The following LRMDA variants were observed in gnomAD, a reference collection of about 807,000 sequenced individuals.
The protein encoded by LRMDA is leucine-rich melanocyte differentiation-associated protein.
In LRMDA, 18 loss-of-function variants were observed where a neutral mutation model predicts 29.8. That is an observed-to-expected ratio of 0.60 (90% CI 0.42 to 0.90). LRMDA has a LOEUF of 0.90. Ranked by LOEUF, LRMDA falls within the 40% of genes least tolerant of loss-of-function variation. The pLI, the probability that LRMDA is intolerant of heterozygous loss-of-function variation, is 0.00. For synonymous variants in LRMDA, 125 were observed against 109.4 expected, an observed-to-expected ratio of 1.14 and a Z score of -0.89; for missense variants, 273 against 273.9, an observed-to-expected ratio of 1.00 and a Z score of 0.02.
At chr10:76,011,132 G>A (rs1350656855) in intron 2 of LRMDA, among the ~76,000 whole-genome samples, 10 of 152,124 alleles carry the variant, frequency 6.6e-5, no homozygotes, top group Admixed American at 6.5e-4. Flanking sequence ...TTTTTAGGAG[G>A]ATGGGGTAGA....
chr10:75,474,674 G>T (rs914241446), intron 2 of LRMDA, among the ~76,000 whole-genome samples: 1 of 152,162 alleles, frequency 6.6e-6, no homozygotes, highest in African/African-American at 2.4e-5. Flanking sequence ...TTTATATCTG[G>T]GAGGGTAGTC....
At chr10:75,858,496 A>G (rs1229260378) in intron 2 of LRMDA, among the ~76,000 whole-genome samples, 1 of 152,138 alleles carries the variant, frequency 6.6e-6, no homozygotes, top group Non-Finnish European at 1.5e-5. Flanking sequence ...TTCACATAGC[A>G]CTTAATGTGT....
chr10:76,261,058 T>C (rs1056642959), intron 5 of LRMDA, among the ~76,000 whole-genome samples: 135 of 123,260 alleles, frequency 1.1e-3, no homozygotes, highest in African/African-American at 4.1e-3. Context: ...GCGTTTCTTT[T>C]CTTTTCTTTT....
At chr10:76,010,718 G>A (rs2132479516) in intron 2 of LRMDA, among the ~76,000 whole-genome samples, 1 of 152,304 alleles carries the variant, frequency 6.6e-6, no homozygotes, top group African/African-American at 2.4e-5. Context: ...TCAGGAAGGA[G>A]CCAAGGAAAG....
rs367804310 is a variant in LRMDA, at chr10:76,495,722, A to G, written c.602-61487A>G. Among the ~76,000 whole-genome samples, 182 of 152,048 alleles carry G rather than the reference A, an allele frequency of 1.2e-3. No homozygotes were observed. The South Asian group carries it at 0.012, about 10-fold the overall frequency. ...TGTAATTTTTTTATACAAATTGTATATATACTTTATTAGATTTATACCTAA... is the reference window on the plus strand; with the variant it reads ...TGTAATTTTTTTATACAAATTGTATGTATACTTTATTAGATTTATACCTAA... On this transcript the variant is annotated intron_variant, in intron 6 of 6. Coordinates refer to ENST00000611255, the MANE Select transcript of LRMDA (RefSeq NM_001305581.2).
At chr10:76,290,411 C>CTTTTTTTTTT (rs11321369) in intron 5 of LRMDA, among the ~76,000 whole-genome samples, 2 of 76,730 alleles carry the variant, frequency 2.6e-5, no homozygotes, top group African/African-American at 5.7e-5. Context: ...TTTATTTTCT[C>CTTTTTTTTTT]TTTTTTTTTT....
chr10:76,363,223 GAA>G lies in LRMDA; in HGVS notation c.601+38740_601+38741del. On this transcript the variant is annotated intron_variant, in intron 6 of 6. Coordinates refer to ENST00000611255, the MANE Select transcript of LRMDA (RefSeq NM_001305581.2). ...GAGGGAGGGAGGGAAGGAAGAGAAAGAAAGAAAGAAAGAAAGAAAGAAAGAAA... is the reference window on the plus strand; with the variant it reads ...GAGGGAGGGAGGGAAGGAAGAGAAAGAGAAAGAAAGAAAGAAAGAAAGAAA... Among the ~76,000 whole-genome samples, 9 of 24,722 alleles carry G rather than the reference GAA, an allele frequency of 3.6e-4. 1 individual carries two copies. The highest frequency in any genetic ancestry group is 1.6e-3 in the African/African-American group (8 of 5,120). 16.2% of individuals were successfully genotyped at this position (24,722 alleles called of 152,430 possible).
At chr10:76,247,832 T>C (rs1852403104) in intron 5 of LRMDA, among the ~76,000 whole-genome samples, 1 of 152,156 alleles carries the variant, frequency 6.6e-6, no homozygotes, top group Non-Finnish European at 1.5e-5. Context: ...GACTGCCATG[T>C]AAAGAGATTG....
At chr10:76,110,446 A>G (rs1321564577) in intron 5 of LRMDA, among the ~76,000 whole-genome samples, 1 of 152,202 alleles carries the variant, frequency 6.6e-6, no homozygotes, top group African/African-American at 2.4e-5. Flanking sequence ...AAATACAGAC[A>G]AATCAGGTCA....
intron 2 of LRMDA, among the ~76,000 whole-genome samples, chr10:75,705,726 C>G (rs565723506): frequency 6.6e-6 from 1 of 152,262 alleles, no homozygotes; most frequent in Admixed American, 6.5e-5. Context: ...CAAAATGGCT[C>G]TTATTCCATC....
chr10:76,492,270 C>T (rs1232493961), intron 6 of LRMDA, among the ~76,000 whole-genome samples: 2 of 151,966 alleles, frequency 1.3e-5, no homozygotes, highest in African/African-American at 2.4e-5. Flanking sequence ...TAGTCACTGT[C>T]TGGGCATTCA....
intron 2 of LRMDA, among the ~76,000 whole-genome samples, chr10:75,833,378 T>C (rs1002783910): frequency 2.0e-5 from 3 of 152,212 alleles, no homozygotes; most frequent in Non-Finnish European, 4.4e-5. Context: ...TCTTGTTCAT[T>C]GGTACTTTCA....
At chr10:75,985,734 G>A (rs578172446) in intron 2 of LRMDA, among the ~76,000 whole-genome samples, 1 of 152,312 alleles carries the variant, frequency 6.6e-6, no homozygotes, top group Non-Finnish European at 1.5e-5. Context: ...AGAGATGGAG[G>A]GAGGTGGGAG....
chr10:75,673,110 G>A (rs1295036833), intron 2 of LRMDA, among the ~76,000 whole-genome samples: 1 of 152,076 alleles, frequency 6.6e-6, no homozygotes, highest in Non-Finnish European at 1.5e-5. Context: ...CAGAGGCCTT[G>A]TGCTTCCTCA....
intron 2 of LRMDA, among the ~76,000 whole-genome samples, chr10:76,007,033 C>CGTGTGTGT (rs1223969205): frequency 4.7e-4 from 15 of 31,730 alleles, no homozygotes; most frequent in Admixed American, 2.5e-3. Flanking sequence ...TGTGTGTGTG[C>CGTGTGTGT]GCGTGTGTGT....
chr10:75,865,202 C>A (rs1295645434), intron 2 of LRMDA, among the ~76,000 whole-genome samples: 1 of 152,110 alleles, frequency 6.6e-6, no homozygotes, highest in Non-Finnish European at 1.5e-5. Flanking sequence ...TGTATGATTC[C>A]ATTTACATGA....
At position 75,875,266 on chromosome 10, in the gene LRMDA, T is replaced by C. The variant is rs535328334; in HGVS notation, c.132-160742T>C. ...GTGAGACTTTTCAAGGTATAGACTATACAGAAGTGAGACTGTTCCCTCTGG... is the reference window on the plus strand; with the variant it reads ...GTGAGACTTTTCAAGGTATAGACTACACAGAAGTGAGACTGTTCCCTCTGG... On this transcript the variant is annotated intron_variant, in intron 2 of 6. Transcript: ENST00000611255. Among the ~76,000 whole-genome samples the C allele has an allele frequency of 2.0e-5, 3 of 152,294 alleles. No homozygotes were observed. In the East Asian group the frequency reaches 5.8e-4, roughly 29 times the overall value.
chr10:76,394,090 T>G (rs1169564817), intron 6 of LRMDA, among the ~76,000 whole-genome samples: 11 of 152,218 alleles, frequency 7.2e-5, no homozygotes, highest in Admixed American at 1.3e-4. Context: ...TTGCCATTAA[T>G]AGCCCAGTGC....
intron 2 of LRMDA, among the ~76,000 whole-genome samples, chr10:75,506,344 G>A (rs1845168285): frequency 6.6e-6 from 1 of 152,216 alleles, no homozygotes; most frequent in Non-Finnish European, 1.5e-5. Flanking sequence ...CTAAGTCACT[G>A]AGTGGAGAAT....
Sources: gnomAD v4.1 joint callset for allele counts (sites outside exome capture counted in the v4.1 genomes callset) on GRCh38, gnomAD v4.1.1 for gene constraint, MANE v1.5 for transcripts, NCBI Gene and HGNC (gene_info 2026-07-23, HGNC 2026-07-21) for gene names.